Variants in ZNF250 observed in about 807,000 individuals in gnomAD.
ZNF250 encodes the protein zinc finger protein (clone 647).
ZNF250 carries 13 observed loss-of-function variants against 37.1 expected under a neutral mutation model. That is an observed-to-expected ratio of 0.35 (90% CI 0.23 to 0.56). The LOEUF is 0.56. Ranked by LOEUF, ZNF250 falls within the 20% of genes least tolerant of loss-of-function variation. ZNF250 has a pLI of 0.87. For missense variants in ZNF250, 474 were observed against 697.9 expected (o/e 0.68, Z 3.61); for synonymous variants, 251 against 265.6 (o/e 0.94, Z 0.54).
chr8:144,889,076 C>G (rs1160629166), intron 4 of ZNF250, among the ~76,000 whole-genome samples: 9 of 152,194 alleles, frequency 5.9e-5, no homozygotes, highest in Non-Finnish European at 1.2e-4. Flanking sequence ...CCGGTTTTGC[C>G]TTATTTTGTA....
chr8:144,882,030 T>C lies in ZNF250; in HGVS notation c.1153A>G (p.Thr385Ala), dbSNP rs1563877179. 6.2e-7 allele frequency: 1 copy of C among 1,614,154 alleles called. No individual in the cohort carries two copies. The highest frequency in any genetic ancestry group is 1.7e-5 in the Admixed American group (1 of 60,026). The change falls in exon 6 of 6, where the codon ACC becomes GCC. Residue 385 changes from threonine (T) to alanine (A), a missense_variant. Thr to Ala is a moderately conservative substitution (Grantham distance 58). This residue lies in a region of ZNF250 where 282 missense variants were observed against 470.4 expected (regional missense o/e 0.60). Transcript: ENST00000417550. The surrounding 1 kb of genome is among the most constrained non-coding windows in gnomAD (Gnocchi z 5.5). Reference sequence around the variant, plus strand: ...CTGCACTCATAGGGCTTCTCCCCGGTGTGCACGTTGTGGTGCTGAATGAGG... The same window carrying C: ...CTGCACTCATAGGGCTTCTCCCCGGCGTGCACGTTGTGGTGCTGAATGAGG... The part of the protein sequence containing the change: ...SVLIQHHNVH[T>A]GEKPYECSEC...
At position 144,891,865 on chromosome 8, in the gene ZNF250, A is replaced by G. The variant is rs1415737674; in HGVS notation, c.-54-1462T>C. ...CAAAACTCCATCTCAAAACAAAAAC[A>G]AAAACAAAAATCAGCTGGGTGTGGT... On this transcript the variant is annotated intron_variant, in intron 1 of 5. Transcript: ENST00000417550. The surrounding 1 kb of genome is among the most constrained non-coding windows in gnomAD (Gnocchi z 4.0). Among the ~76,000 whole-genome samples the G allele has an allele frequency of 6.6e-6, 1 of 152,180 alleles. No individual in the cohort carries two copies. Among genetic ancestry groups the G allele is most frequent in the Non-Finnish European group, 1.5e-5 (1 of 68,036 alleles).
In ZNF250 at chr8:144,897,234, C is replaced by T. The variant is rs1832782750; in HGVS notation, c.-55+4165G>A. ...ATCTCCTCCAGGGCCACTGCCTTCTCCTGCTCCTCATCATCCTCACTCCCT... is the reference window on the plus strand; with the variant it reads ...ATCTCCTCCAGGGCCACTGCCTTCTTCTGCTCCTCATCATCCTCACTCCCT... On this transcript the variant is annotated intron_variant, in intron 1 of 5. Coordinates refer to ENST00000417550, the MANE Select transcript of ZNF250 (RefSeq NM_001109689.4). This position sits in a 1 kb window ranked among gnomAD's most constrained non-coding sequence, Gnocchi z 5.2. 6.6e-6 allele frequency among the ~76,000 whole-genome samples: 1 copy of T among 152,160 alleles called. No homozygotes were observed. Among genetic ancestry groups the T allele is most frequent in the Non-Finnish European group, 1.5e-5 (1 of 68,026 alleles).
chr8:144,881,031 AT>A lies in ZNF250; in HGVS notation c.*483del, dbSNP rs1831432273. On this transcript the variant is annotated 3_prime_UTR_variant, in exon 6 of 6. Coordinates refer to ENST00000417550, the MANE Select transcript of ZNF250 (RefSeq NM_001109689.4). Reference sequence around the variant, plus strand: ...ATGCTTGATGAAAATATCTTTTTATATCACTTTATCCATACAATACTTTAGT... The same window carrying A: ...ATGCTTGATGAAAATATCTTTTTATACACTTTATCCATACAATACTTTAGT... 6.3e-6 allele frequency: 1 copy of A among 159,230 alleles called. No individual in the cohort carries two copies. Among genetic ancestry groups the A allele is most frequent in the South Asian group, 1.7e-4 (1 of 5,760 alleles). 9.9% of individuals were successfully genotyped at this position (159,230 alleles called of 1,614,324 possible).
intron 1 of ZNF250, among the ~76,000 whole-genome samples, chr8:144,892,328 A>G (rs1177352932): frequency 6.6e-6 from 1 of 152,220 alleles, no homozygotes; most frequent in Non-Finnish European, 1.5e-5. Flanking sequence ...ATTTAACTGG[A>G]AAGAACAGAG....
chr8:144,891,751 C>T lies in ZNF250; in HGVS notation c.-54-1348G>A. On this transcript the variant is annotated intron_variant, in intron 1 of 5. Coordinates refer to ENST00000417550, the MANE Select transcript of ZNF250 (RefSeq NM_001109689.4). This position sits in a 1 kb window ranked among gnomAD's most constrained non-coding sequence, Gnocchi z 4.0. ...CCTGTAGTCCCAGCTACTCAGGAGG[C>T]TGAGGCAAGAGAATTGCTTGAACTC... is the stretch of plus-strand genomic sequence containing the variant. 6.6e-6 allele frequency among the ~76,000 whole-genome samples: 1 copy of T among 152,170 alleles called. No homozygotes were observed. The highest frequency in any genetic ancestry group is 1.5e-5 in the Non-Finnish European group (1 of 68,036).
At position 144,886,825 on chromosome 8, in the gene ZNF250, C is replaced by T; in HGVS notation, c.346+15G>A. Reference sequence around the variant, plus strand: ...AGAGATTGTACTGAATTAAAAAGATCAGGCATACACTTACCCCATGGACAA... The same window carrying T: ...AGAGATTGTACTGAATTAAAAAGATTAGGCATACACTTACCCCATGGACAA... On this transcript the variant is annotated intron_variant, in intron 5 of 5. Transcript: ENST00000417550. 1.2e-6 allele frequency: 2 copies of T among 1,609,252 alleles called. No individual in the cohort carries two copies. Among genetic ancestry groups the T allele is most frequent in the Non-Finnish European group, 8.5e-7 (1 of 1,176,446 alleles).
intron 1 of ZNF250, among the ~76,000 whole-genome samples, chr8:144,892,124 G>C (rs1832383357): frequency 6.6e-6 from 1 of 152,220 alleles, no homozygotes; most frequent in Non-Finnish European, 1.5e-5. Context: ...CACAGTTGGA[G>C]AGAGACTGAC....
intron 1 of ZNF250, among the ~76,000 whole-genome samples, chr8:144,896,541 A>C (rs1223657784): frequency 1.3e-5 from 2 of 152,172 alleles, no homozygotes; most frequent in Non-Finnish European, 2.9e-5. Flanking sequence ...TTGCATACTC[A>C]AGACAGGAAA....
In ZNF250 at chr8:144,890,320, C is replaced by G; in HGVS notation, c.30G>C (p.Pro10=). The change falls in exon 2 of 6, where the codon CCG becomes CCC. Residue 10 remains proline, a synonymous_variant. Transcript: ENST00000417550. The surrounding 1 kb of genome is among the most constrained non-coding windows in gnomAD (Gnocchi z 5.1). MAAARLLPV[P]AGPQAKLTFE... ...GGGGACAGCTTACCTGGGGTCCTGC[C>G]GGCACTGGCAGGAGTCTGGCTGCTG... The G allele has an allele frequency of 1.3e-6, 2 of 1,513,970 alleles. No individual in the cohort carries two copies. Among genetic ancestry groups the G allele is most frequent in the Non-Finnish European group, 1.8e-6 (2 of 1,128,366 alleles). 93.8% of individuals were successfully genotyped at this position (1,513,970 alleles called of 1,614,324 possible).
At position 144,882,589 on chromosome 8, in the gene ZNF250, C is replaced by T; in HGVS notation, c.594G>A (p.Glu198=). Residue 198 remains glutamate (E), a synonymous_variant, in exon 6 of 6, where the codon GAG becomes GAA. Transcript: ENST00000417550. This position sits in a 1 kb window ranked among gnomAD's most constrained non-coding sequence, Gnocchi z 5.5. ...PSGERPYMCV[E]CGKCFGRSSH... is the part of the protein sequence containing the mutation. Reference sequence around the variant, plus strand: ...AACTCCGGCCAAAGCACTTCCCACACTCAACACACATGTAGGGCCTCTCTC... The same window carrying T: ...AACTCCGGCCAAAGCACTTCCCACATTCAACACACATGTAGGGCCTCTCTC... 1 of 1,614,100 alleles carries T rather than the reference C, an allele frequency of 6.2e-7. No homozygotes were observed. Among genetic ancestry groups the T allele is most frequent in the Non-Finnish European group, 8.5e-7 (1 of 1,179,992 alleles).
At chr8:144,898,633 T>A (rs1436669978) in intron 1 of ZNF250, among the ~76,000 whole-genome samples, 1 of 152,014 alleles carries the variant, frequency 6.6e-6, no homozygotes, top group African/African-American at 2.4e-5. Context: ...AAGGAAACAA[T>A]CAGCAGAGTG....
At position 144,880,700 on chromosome 8, in the gene ZNF250, C is replaced by T; in HGVS notation, c.*815G>A. The T allele has an allele frequency of 3.1e-6, 1 of 325,376 alleles. No homozygotes were observed. Among genetic ancestry groups the T allele is most frequent in the South Asian group, 2.4e-5 (1 of 41,026 alleles). 20.2% of individuals were successfully genotyped at this position (325,376 alleles called of 1,614,324 possible). The stretch of plus-strand genomic sequence containing the variant: ...CCAACACGGTGAAACTCCGTCTCTA[C>T]TAAAAATACAAAAATTAGCCAGGTG... On this transcript the variant is annotated 3_prime_UTR_variant, in exon 6 of 6. Transcript: ENST00000417550.
chr8:144,891,361 C>A lies in ZNF250; in HGVS notation c.-54-958G>T, dbSNP rs1009585923. ...AACAAACAGGGTGCTTTAAGAGTGA[C>A]AAAATAGGTGTCAGGGCTGGGGGCA... is the stretch of plus-strand genomic sequence containing the variant. On this transcript the variant is annotated intron_variant, in intron 1 of 5. Coordinates refer to ENST00000417550, the MANE Select transcript of ZNF250 (RefSeq NM_001109689.4). The surrounding 1 kb of genome is among the most constrained non-coding windows in gnomAD (Gnocchi z 4.0). 1.3e-5 allele frequency among the ~76,000 whole-genome samples: 2 copies of A among 152,070 alleles called. No homozygotes were observed. The highest frequency in any genetic ancestry group is 4.8e-5 in the African/African-American group (2 of 41,408).
chr8:144,879,205 C>A lies in ZNF250; in HGVS notation c.*2310G>T, dbSNP rs1262448905. The A allele has an allele frequency of 1.3e-5, 2 of 152,214 alleles. No homozygotes were observed. The highest frequency in any genetic ancestry group is 2.4e-5 in the African/African-American group (1 of 41,454). 9.4% of individuals were successfully genotyped at this position (152,214 alleles called of 1,614,324 possible). Reference sequence around the variant, plus strand: ...TGATCTCAGTCCCTCTGAAGTAACACCTCAGTAATATTAGTTCCTCTGGAA... The same window carrying A: ...TGATCTCAGTCCCTCTGAAGTAACAACTCAGTAATATTAGTTCCTCTGGAA... On this transcript the variant is annotated 3_prime_UTR_variant, in exon 6 of 6. Transcript: ENST00000417550.
intron 4 of ZNF250, among the ~76,000 whole-genome samples, chr8:144,888,196 T>G (rs1832033781): frequency 6.6e-6 from 1 of 152,260 alleles, no homozygotes; most frequent in African/African-American, 2.4e-5. Context: ...CTAAAGGTCT[T>G]GTACATCTTT....
At chr8:144,886,784 T>C (rs1243921047) in intron 5 of ZNF250, 56 bp downstream of exon 5, 1 of 1,511,884 alleles carries the variant, frequency 6.6e-7, no homozygotes, top group Non-Finnish European at 9.2e-7. Context: ...TGTAAAACAT[T>C]AGTGTTAACA....
chr8:144,886,758 G>C, intron 5 of ZNF250, 82 bp downstream of exon 5: 1 of 1,276,156 alleles, frequency 7.8e-7, no homozygotes, highest in African/African-American at 1.5e-5. Flanking sequence ...ATAGCACCGA[G>C]TCGCCTCTAC....
At chr8:144,885,370 C>T (rs1831797044) in intron 5 of ZNF250, among the ~76,000 whole-genome samples, 2 of 152,222 alleles carry the variant, frequency 1.3e-5, no homozygotes, top group African/African-American at 4.8e-5. Context: ...GTCCATCTGC[C>T]TCGGCCTCCC....
Sources: allele counts gnomAD v4.1 joint callset (sites outside exome capture counted in the v4.1 genomes callset), GRCh38; gene constraint gnomAD v4.1.1; regional missense constraint gnomAD v4.1.1; non-coding constraint Gnocchi (gnomAD v3.1); transcripts MANE v1.5; gene names NCBI Gene and HGNC (gene_info 2026-07-23, HGNC 2026-07-21).